The following FABP6 variants were observed in gnomAD, a reference collection of about 807,000 sequenced individuals.
FABP6 encodes gastrotropin.
FABP6 carries 13 observed loss-of-function variants against 14.9 expected under a neutral mutation model. The ratio of observed to expected loss-of-function variants is 0.87; its 90% CI spans 0.57 to 1.39. The LOEUF is 1.39. Among genes scored for constraint, FABP6 ranks in the 40% most tolerant of loss-of-function variants. The pLI is 0.00. For missense variants in FABP6, 161 were observed against 167.2 expected (o/e 0.96, Z 0.20); for synonymous variants, 75 against 63.6 (o/e 1.18, Z -0.85).
chr5:160,214,139 CTTTCT>C (rs1759960931), intron 3 of FABP6, among the ~76,000 whole-genome samples: 1 of 144,928 alleles, frequency 6.9e-6, no homozygotes, highest in Admixed American at 7.1e-5. Flanking sequence ...TTCTTTCTTT[CTTTCT>C]TTCTTTCTTT....
At chr5:160,194,135 C>A (rs981560081) in intron 1 of FABP6, among the ~76,000 whole-genome samples, 11 of 152,238 alleles carry the variant, frequency 7.2e-5, no homozygotes, top group African/African-American at 2.7e-4. Context: ...AGCCGCTGGC[C>A]CAGGTGCTAA....
intron 2 of FABP6, among the ~76,000 whole-genome samples, chr5:160,199,551 G>T (rs1561741923): frequency 6.6e-6 from 1 of 152,152 alleles, no homozygotes; most frequent in Non-Finnish European, 1.5e-5. Context: ...CCGGCTCCCC[G>T]TCGGCCTGGG....
chr5:160,229,720 C>T, intron 1 of FABP6, 96 bp downstream of exon 1: 2 of 1,068,800 alleles, frequency 1.9e-6, no homozygotes, highest in South Asian at 2.8e-5. Context: ...GGATTTCATC[C>T]ATTCATTCAC....
chr5:160,216,339 C>T (rs1008610974), intron 3 of FABP6, among the ~76,000 whole-genome samples: 1 of 151,688 alleles, frequency 6.6e-6, no homozygotes, highest in African/African-American at 2.4e-5. Flanking sequence ...ACAATCTCAG[C>T]TCACTGCAAC....
chr5:160,232,051 G>T, intron 1 of FABP6, 47 bp from the exon 2 acceptor site: 1 of 1,602,726 alleles, frequency 6.2e-7, no homozygotes, highest in African/African-American at 1.3e-5. Flanking sequence ...AAACCACAGG[G>T]TTAAAAGCAG....
Position 160,210,144 on chromosome 5 carries a change from T to C in FABP6, c.52-3592T>C, listed in dbSNP as rs371914282. On this transcript the variant is annotated intron_variant, in intron 2 of 6. Coordinates refer to the FABP6 transcript ENST00000393980. Reference sequence around the variant, plus strand: ...GAAACATGTGATCTAGGTGGAAGCATGAGTCACATATGCATGAAAAACACA... The same window carrying C: ...GAAACATGTGATCTAGGTGGAAGCACGAGTCACATATGCATGAAAAACACA... Among the ~76,000 whole-genome samples the C allele has an allele frequency of 3.3e-5, 5 of 152,190 alleles. No homozygotes were observed. The East Asian group carries it at 5.8e-4, about 18-fold the overall frequency.
chr5:160,220,077 A>T (rs1760099633), intron 3 of FABP6, among the ~76,000 whole-genome samples: 1 of 152,208 alleles, frequency 6.6e-6, no homozygotes, highest in South Asian at 2.1e-4. Context: ...CCTGGAAGGG[A>T]TCACAATGTA....
intron 3 of FABP6, among the ~76,000 whole-genome samples, chr5:160,214,113 TTC>T (rs984015528): frequency 2.2e-5 from 3 of 139,196 alleles, no homozygotes; most frequent in Non-Finnish European, 4.6e-5. Context: ...CTTTCTTTCT[TTC>T]TTTCTTTCTT....
In FABP6 at chr5:160,213,101, C is replaced by A. The variant is rs6859786; in HGVS notation, c.52-635C>A. On this transcript the variant is annotated intron_variant, in intron 2 of 6. Transcript: ENST00000393980. ...AACTGTCCACCCAGAGCAGTTGGCC[C>A]TCACGGTCGAGATGGTTGGTACCAC... is the stretch of plus-strand genomic sequence containing the variant. 3.1e-3 allele frequency among the ~76,000 whole-genome samples: 471 copies of A among 152,320 alleles called. 2 individuals carry two copies. The highest frequency in any genetic ancestry group is 0.01 in the African/African-American group (436 of 41,578).
At chr5:160,227,830 G>GTGTA (rs1255518599), upstream of FABP6, among the ~76,000 whole-genome samples, 6 of 149,266 alleles carry the variant, frequency 4.0e-5, no homozygotes, top group African/African-American at 1.5e-4. Context: ...GTGTGTGTGT[G>GTGTA]TGTGTGTGTG....
chr5:160,236,839 A>G (rs945859782), intron 3 of FABP6, among the ~76,000 whole-genome samples: 11 of 150,888 alleles, frequency 7.3e-5, no homozygotes, highest in Non-Finnish European at 1.5e-4. Flanking sequence ...AAAATTAGCC[A>G]GGTGTGGTGG....
chr5:160,232,163 G>A lies in FABP6; in HGVS notation c.133G>A (p.Gly45Arg), dbSNP rs1379336777. 4 of 1,613,980 alleles carry A rather than the reference G, an allele frequency of 2.5e-6. No individual in the cohort carries two copies. In the Admixed American group the frequency reaches 5.0e-5, roughly 20 times the overall value. Residue 45 changes from glycine (G) to arginine (R), a missense_variant, in exon 2 of 4, where the codon GGG (glycine) becomes AGG (arginine). Coordinates refer to ENST00000402432, the MANE Select transcript of FABP6 (RefSeq NM_001445.3). ...FKIVTEVQQD[G>R]QDFTWSQHYS... ...GATCGTCACGGAGGTGCAGCAGGATGGGCAGGACTTCACTTGGTCCCAGCA... is the reference window on the plus strand; with the variant it reads ...GATCGTCACGGAGGTGCAGCAGGATAGGCAGGACTTCACTTGGTCCCAGCA...
intron 1 of FABP6, among the ~76,000 whole-genome samples, chr5:160,229,998 C>T (rs555594903): frequency 2.0e-5 from 3 of 151,330 alleles, no homozygotes; most frequent in African/African-American, 4.8e-5. Flanking sequence ...CTCAGCCTCC[C>T]GAGTAGCTGG....
chr5:160,206,101 T>A (rs1325562611), intron 2 of FABP6, among the ~76,000 whole-genome samples: 1 of 152,122 alleles, frequency 6.6e-6, no homozygotes, highest in Non-Finnish European at 1.5e-5. Flanking sequence ...ATATAGAAAG[T>A]CACAGCTGAG....
intron 2 of FABP6, among the ~76,000 whole-genome samples, chr5:160,211,846 A>G (rs141376729): frequency 9.2e-5 from 14 of 152,330 alleles, no homozygotes; most frequent in Non-Finnish European, 2.1e-4. Flanking sequence ...GCCCAGGTAT[A>G]GACACTGCAC....
chr5:160,238,469 A>C, intron 3 of FABP6, 137 bp from the exon 4 acceptor site: 1 of 684,806 alleles, frequency 1.5e-6, no homozygotes, highest in East Asian at 2.7e-5. Flanking sequence ...AAATTGGGAA[A>C]CTGAGGCCGA....
At chr5:160,230,124 C>T (rs1760345770) in intron 1 of FABP6, among the ~76,000 whole-genome samples, 1 of 151,406 alleles carries the variant, frequency 6.6e-6, no homozygotes, top group South Asian at 2.1e-4. Flanking sequence ...CTCAGGTGAT[C>T]CACCCAGCTC....
upstream of FABP6, chr5:160,228,420 A>G (rs774027476): frequency 4.2e-5 from 19 of 456,022 alleles, no homozygotes; most frequent in Non-Finnish European, 7.9e-5. Context: ...AATAATCACG[A>G]GAGCCTTTGC....
At chr5:160,202,536 C>T (rs1561743181) in intron 2 of FABP6, among the ~76,000 whole-genome samples, 1 of 152,154 alleles carries the variant, frequency 6.6e-6, no homozygotes, top group Non-Finnish European at 1.5e-5. Context: ...GTGGCTCACG[C>T]CCGTAATCCC....
Sources: allele counts gnomAD v4.1 joint callset (sites outside exome capture counted in the v4.1 genomes callset), GRCh38; gene constraint gnomAD v4.1.1; transcripts MANE v1.5; gene names NCBI Gene and HGNC (gene_info 2026-07-23, HGNC 2026-07-21).